The following ATP11A variants were observed in gnomAD, a reference collection of about 807,000 sequenced individuals.
ATP11A encodes the protein phospholipid-transporting ATPase IH.
ATP11A carries 81 observed loss-of-function variants against 154.4 expected under a neutral mutation model. The ratio of observed to expected loss-of-function variants is 0.52; its 90% confidence interval spans 0.44 to 0.63. ATP11A has a LOEUF of 0.63. Ranked by LOEUF, ATP11A falls within the 30% of genes least tolerant of loss-of-function variation. The pLI is 0.00. For synonymous variants in ATP11A, 623 were observed against 585.9 expected, an observed-to-expected ratio of 1.06 and a Z score of -0.91; for missense variants, 1,316 against 1,474.3, an observed-to-expected ratio of 0.89 and a Z score of 1.76.
intron 12 of ATP11A, among the ~76,000 whole-genome samples, chr13:112,827,902 T>C (rs990339436): frequency 6.6e-6 from 1 of 152,244 alleles, no homozygotes; most frequent in African/African-American, 2.4e-5. Context: ...CTCCTCACAG[T>C]GCTTTATTGT....
At chr13:112,720,649 C>T (rs567227014) in intron 1 of ATP11A, among the ~76,000 whole-genome samples, 2 of 152,232 alleles carry the variant, frequency 1.3e-5, no homozygotes, top group African/African-American at 2.4e-5. Context: ...CCTCTGCCTC[C>T]TAGGTTCAAG....
rs570440718 is a variant in ATP11A at position 112,692,906 on chromosome 13, CAT to C, written c.39+2454_39+2455del. 3.7e-4 allele frequency among the ~76,000 whole-genome samples: 56 copies of C among 152,302 alleles called. 1 individual carries two copies. The highest frequency in any genetic ancestry group is 1.3e-3 in the African/African-American group (52 of 41,570). Reference sequence around the variant, plus strand: ...AAAAAAGAGTCTGGGATTGAATACTCATATTTCCTCATGGTTTCCTTATGTGA... The same window carrying C: ...AAAAAAGAGTCTGGGATTGAATACTCATTTCCTCATGGTTTCCTTATGTGA... On this transcript the variant is annotated intron_variant, in intron 1 of 29. Coordinates refer to ENST00000375645, the MANE Select transcript of ATP11A (RefSeq NM_015205.3).
chr13:112,858,112 C>A, intron 21 of ATP11A, 33 bp from the exon 22 acceptor site: 1 of 1,607,204 alleles, frequency 6.2e-7, no homozygotes, highest in Non-Finnish European at 8.5e-7. Flanking sequence ...GTGCAGAAAG[C>A]ATTTCTTCAG....
chr13:112,733,553 C>T (rs1300691977), intron 1 of ATP11A, among the ~76,000 whole-genome samples: 1 of 152,174 alleles, frequency 6.6e-6, no homozygotes, highest in Non-Finnish European at 1.5e-5. Flanking sequence ...CTATTGTTGA[C>T]TGGCTTTCTG....
intron 17 of ATP11A, among the ~76,000 whole-genome samples, chr13:112,845,888 G>A (rs1277775091): frequency 6.6e-6 from 1 of 152,230 alleles, no homozygotes; most frequent in Non-Finnish European, 1.5e-5. Context: ...CATTTGCCGG[G>A]CACTCGCAGT....
rs1313550196 is a variant in ATP11A at position 112,765,379 on chromosome 13, TCGTGGTCTCG to T, written c.40-19754_40-19745del. On this transcript the variant is annotated intron_variant, in intron 1 of 29. Coordinates refer to ENST00000375645, the MANE Select transcript of ATP11A (RefSeq NM_015205.3). ...GTTTTCTGGTCCTGGCCTGGGGGGG[TCGTGGTCTCG>T]CTGGTGCAGCCTCCTCCGGGCAGGC... is the stretch of plus-strand genomic sequence containing the variant. Among the ~76,000 whole-genome samples the T allele has an allele frequency of 5.9e-5, 9 of 151,374 alleles. No homozygotes were observed. The South Asian group carries it at 1.9e-3, about 32-fold the overall frequency.
chr13:112,801,757 G>A (rs1385187747), intron 2 of ATP11A, among the ~76,000 whole-genome samples: 5 of 152,266 alleles, frequency 3.3e-5, no homozygotes, highest in South Asian at 2.1e-4. Flanking sequence ...TAAGGAAAAC[G>A]ACAAAACTGT....
At chr13:112,710,431 C>T (rs1887606444) in intron 1 of ATP11A, among the ~76,000 whole-genome samples, 1 of 152,198 alleles carries the variant, frequency 6.6e-6, no homozygotes, top group Non-Finnish European at 1.5e-5. Context: ...CCCCAGAAAA[C>T]AAGCGCCCCA....
chr13:112,697,213 T>A lies in ATP11A; in HGVS notation c.39+6758T>A, dbSNP rs372738758. Among the ~76,000 whole-genome samples the A allele has an allele frequency of 2.5e-4, 38 of 152,258 alleles. No individual in the cohort carries two copies. The highest frequency in any genetic ancestry group is 8.4e-4 in the African/African-American group (35 of 41,542). Reference sequence around the variant, plus strand: ...GTGGGCTCCGGTGCTGGCCTCTGCCTTCCCCAGGGCCACGGTGGGCTCCTA... The same window carrying A: ...GTGGGCTCCGGTGCTGGCCTCTGCCATCCCCAGGGCCACGGTGGGCTCCTA... On this transcript the variant is annotated intron_variant, in intron 1 of 29. Transcript: ENST00000375645. The surrounding 1 kb of genome is among the most constrained non-coding windows in gnomAD (Gnocchi z 4.0).
intron 1 of ATP11A, among the ~76,000 whole-genome samples, chr13:112,740,169 T>G (rs892800886): frequency 2.1e-5 from 3 of 142,542 alleles, no homozygotes; most frequent in East Asian, 4.3e-4. Context: ...TATATATATA[T>G]AGATATCTAT....
At chr13:112,788,702 C>T (rs2077735748) in intron 2 of ATP11A, among the ~76,000 whole-genome samples, 1 of 151,542 alleles carries the variant, frequency 6.6e-6, no homozygotes. Context: ...CCTGTGGAGA[C>T]CTACTTAATT....
intron 1 of ATP11A, among the ~76,000 whole-genome samples, chr13:112,729,645 G>C (rs190692142): frequency 6.6e-6 from 1 of 152,218 alleles, no homozygotes; most frequent in Non-Finnish European, 1.5e-5. Context: ...CATGTAACAC[G>C]TCTGAGTGTG....
In ATP11A at chr13:112,732,825, CT is replaced by C. The variant is rs543652224; in HGVS notation, c.39+42371del. Among the ~76,000 whole-genome samples, 59 of 152,298 alleles carry C rather than the reference CT, an allele frequency of 3.9e-4. 1 individual carries two copies. The highest frequency in any genetic ancestry group is 1.3e-3 in the African/African-American group (54 of 41,558). ...ATGGGGTTTCGCCATGTTGGCCAGG[CT>C]GGTCTTGAACTCCCGACCTCAGGTG... On this transcript the variant is annotated intron_variant, in intron 1 of 29. Coordinates refer to ENST00000375645, the MANE Select transcript of ATP11A (RefSeq NM_015205.3).
Position 112,875,987 on chromosome 13 carries a change from C to A in ATP11A, c.3327+46C>A. On this transcript the variant is annotated intron_variant, in intron 28 of 29. Coordinates refer to ENST00000375645, the MANE Select transcript of ATP11A (RefSeq NM_015205.3). The surrounding 1 kb of genome is among the most constrained non-coding windows in gnomAD (Gnocchi z 4.1). Reference sequence around the variant, plus strand: ...GGGCGGGGGTGCCTCAGGGCCCTGGCCTTAGGATTGGGAGATGACCGTTTT... The same window carrying A: ...GGGCGGGGGTGCCTCAGGGCCCTGGACTTAGGATTGGGAGATGACCGTTTT... 1.3e-6 allele frequency: 2 copies of A among 1,576,084 alleles called. No homozygotes were observed. The highest frequency in any genetic ancestry group is 1.1e-5 in the South Asian group (1 of 89,064).
In ATP11A at chr13:112,875,851, C is replaced by G. The variant is rs1434454359; in HGVS notation, c.3237C>G (p.Ile1079Met). The G allele has an allele frequency of 6.2e-7, 1 of 1,613,986 alleles. No homozygotes were observed. The highest frequency in any genetic ancestry group is 1.1e-5 in the South Asian group (1 of 91,086). The change falls in exon 28 of 30, where the codon ATC becomes ATG. Residue 1079 changes from isoleucine to methionine, a missense_variant. Ile to Met is a conservative substitution (Grantham distance 10). Around this residue, in one of 5 missense-constraint regions of ATP11A, gnomAD observed 294 missense variants for 290.2 expected, o/e 1.01. Coordinates refer to ENST00000375645, the MANE Select transcript of ATP11A (RefSeq NM_015205.3). The surrounding 1 kb of genome is among the most constrained non-coding windows in gnomAD (Gnocchi z 4.1). The part of the protein sequence containing the change: ...MLSSGPAWLA[I>M]VLLVTISLLP... ...CCAGCGGGCCCGCCTGGCTGGCCAT[C>G]GTGCTGCTGGTGACCATCAGCCTCC...
chr13:112,712,786 TAAAG>T (rs1887917044), intron 1 of ATP11A, among the ~76,000 whole-genome samples: 1 of 152,084 alleles, frequency 6.6e-6, no homozygotes, highest in South Asian at 2.1e-4. Flanking sequence ...CTGGAAAAAA[TAAAG>T]AGGGTGTTTG....
At chr13:112,741,953 C>T (rs1473810063) in intron 1 of ATP11A, among the ~76,000 whole-genome samples, 4 of 151,338 alleles carry the variant, frequency 2.6e-5, no homozygotes, top group Non-Finnish European at 5.9e-5. Context: ...CACGGAAGAG[C>T]GCTCCCCTTC....
At chr13:112,824,266 C>A in intron 9 of ATP11A, 78 bp from the exon 10 acceptor site, 2 of 1,112,526 alleles carry the variant, frequency 1.8e-6, no homozygotes, top group Non-Finnish European at 2.7e-6. Context: ...ATTGATTTTC[C>A]CCGCAGCTGT....
rs549795220 is a variant in ATP11A, at chr13:112,887,149, TTA to T, written c.*5286_*5287del. ...AGAATAAAAGTCTGCTTCAGTTTCT[TTA>T]TAAAGAAACTCACACAAGTGGTGTG... is the stretch of plus-strand genomic sequence containing the variant. On this transcript the variant is annotated 3_prime_UTR_variant, in exon 30 of 30. Coordinates refer to ENST00000375645, the MANE Select transcript of ATP11A (RefSeq NM_015205.3). The T allele has an allele frequency of 5.3e-5, 8 of 152,372 alleles. No homozygotes were observed. In the South Asian group the frequency reaches 1.7e-3, roughly 32 times the overall value. The allele number at this position is 152,372 out of a possible 1,614,324, so 9.4% of individuals were successfully genotyped here.
Sources: gnomAD v4.1 joint callset for allele counts (sites outside exome capture counted in the v4.1 genomes callset) on GRCh38, gnomAD v4.1.1 for gene constraint, gnomAD v4.1.1 regional missense constraint, Gnocchi (gnomAD v3.1) non-coding constraint, MANE v1.5 for transcripts, NCBI Gene and HGNC (gene_info 2026-07-23, HGNC 2026-07-21) for gene names.